Variants in GRM8 observed in about 807,000 individuals in gnomAD.
GRM8 encodes glutamate metabotropic receptor 8.
In GRM8, 47 loss-of-function variants were observed where a neutral mutation model predicts 87.2. The observed-to-expected ratio is 0.54, with a 90% CI of 0.43 to 0.69. The LOEUF (loss-of-function observed/expected upper bound fraction) is 0.69. Among genes scored for constraint, GRM8 ranks in the 30% least tolerant of loss-of-function variants. GRM8 has a pLI of 0.00. For synonymous variants in GRM8, 396 were observed against 404.5 expected, an observed-to-expected ratio of 0.98 and a Z score of 0.25; for missense variants, 1,019 against 1,139.2, an observed-to-expected ratio of 0.89 and a Z score of 1.52.
At chr7:127,171,297 A>G (rs543449187) in intron 2 of GRM8, among the ~76,000 whole-genome samples, 1 of 152,362 alleles carries the variant, frequency 6.6e-6, no homozygotes, top group East Asian at 1.9e-4. Context: ...TACTGTGATC[A>G]TTATTGAAAT....
chr7:126,967,568 C>T (rs1810003788), intron 3 of GRM8, among the ~76,000 whole-genome samples: 1 of 151,568 alleles, frequency 6.6e-6, no homozygotes, highest in Admixed American at 6.6e-5. Context: ...AAAAGTACAG[C>T]ACTCTCAGAT....
chr7:126,993,375 T>C (rs969852182), intron 3 of GRM8, among the ~76,000 whole-genome samples: 2 of 152,170 alleles, frequency 1.3e-5, no homozygotes, highest in African/African-American at 4.8e-5. Flanking sequence ...TTCTGACATA[T>C]GCTACGACAT....
chr7:127,180,996 C>A (rs1235575927), intron 2 of GRM8, among the ~76,000 whole-genome samples: 2 of 151,910 alleles, frequency 1.3e-5, no homozygotes, highest in African/African-American at 4.8e-5. Context: ...CTAGTCAGAG[C>A]AATTAGACAA....
intron 7 of GRM8, among the ~76,000 whole-genome samples, chr7:126,765,281 T>C (rs922450112): frequency 1.3e-5 from 2 of 152,086 alleles, no homozygotes; most frequent in South Asian, 2.1e-4. Context: ...TTTTTTCTTA[T>C]AGGTTTTTAT....
intron 3 of GRM8, among the ~76,000 whole-genome samples, chr7:126,938,106 T>C (rs1464014332): frequency 6.6e-6 from 1 of 152,232 alleles, no homozygotes; most frequent in Non-Finnish European, 1.5e-5. Flanking sequence ...AACTACATTT[T>C]GGCCAATAAA....
At chr7:126,660,177 C>T (rs938687541) in intron 7 of GRM8, among the ~76,000 whole-genome samples, 5 of 152,114 alleles carry the variant, frequency 3.3e-5, no homozygotes, top group African/African-American at 9.7e-5. Context: ...TGTTTAAAAG[C>T]GTGGGGACTG....
At chr7:127,155,315 A>G (rs1475295666) in intron 2 of GRM8, among the ~76,000 whole-genome samples, 1 of 152,166 alleles carries the variant, frequency 6.6e-6, no homozygotes, top group Non-Finnish European at 1.5e-5. Flanking sequence ...TGGTGCTTTT[A>G]TACTCTCTAG....
At chr7:126,692,565 G>C (rs1012716893) in intron 7 of GRM8, among the ~76,000 whole-genome samples, 1 of 152,196 alleles carries the variant, frequency 6.6e-6, no homozygotes, top group Non-Finnish European at 1.5e-5. Context: ...GCCATCCTGG[G>C]AAGATTGAAT....
intron 7 of GRM8, among the ~76,000 whole-genome samples, chr7:126,671,926 G>C (rs756543148): frequency 6.6e-6 from 1 of 151,984 alleles, no homozygotes; most frequent in Admixed American, 6.6e-5. Context: ...GAGTCCATGC[G>C]ACCCCCGCTG....
At chr7:126,788,922 T>C (rs1375184487) in intron 6 of GRM8, among the ~76,000 whole-genome samples, 3 of 152,186 alleles carry the variant, frequency 2.0e-5, no homozygotes, top group African/African-American at 7.2e-5. Context: ...TCAGAGTGTA[T>C]TTGAAATCTT....
At chr7:126,939,352 A>T (rs145287392) in intron 3 of GRM8, among the ~76,000 whole-genome samples, 1 of 152,314 alleles carries the variant, frequency 6.6e-6, no homozygotes, top group Non-Finnish European at 1.5e-5. Context: ...AAGAACACCC[A>T]GTCTTTGAAT....
intron 6 of GRM8, among the ~76,000 whole-genome samples, chr7:126,875,868 G>A (rs1471128203): frequency 2.6e-5 from 4 of 151,966 alleles, no homozygotes; most frequent in Non-Finnish European, 5.9e-5. Flanking sequence ...TTATTTTTGT[G>A]CTCTGGTACA....
At chr7:127,042,682 C>G (rs1181515791) in intron 3 of GRM8, among the ~76,000 whole-genome samples, 1 of 152,162 alleles carries the variant, frequency 6.6e-6, no homozygotes, top group African/African-American at 2.4e-5. Flanking sequence ...CTAGGCAATT[C>G]CATTCAGGAC....
At chr7:126,590,120 TAAA>T (rs61063685) in intron 8 of GRM8, among the ~76,000 whole-genome samples, 2 of 148,604 alleles carry the variant, frequency 1.3e-5, no homozygotes, top group East Asian at 4.0e-4. Context: ...TTTCATGAAA[TAAA>T]AAAAAAAAAT....
At chr7:126,644,314 T>C (rs929387183) in intron 7 of GRM8, among the ~76,000 whole-genome samples, 2 of 152,190 alleles carry the variant, frequency 1.3e-5, no homozygotes, top group Admixed American at 6.5e-5. Flanking sequence ...ATAATTTGGT[T>C]GGGTTTTTGA....
chr7:126,681,557 A>G (rs1217780937), intron 7 of GRM8, among the ~76,000 whole-genome samples: 1 of 152,250 alleles, frequency 6.6e-6, no homozygotes, highest in Non-Finnish European at 1.5e-5. Flanking sequence ...AGAGAAAACA[A>G]AAGCCAGGCT....
intron 7 of GRM8, among the ~76,000 whole-genome samples, chr7:126,628,170 C>G (rs1194801592): frequency 6.6e-6 from 1 of 152,154 alleles, no homozygotes; most frequent in Non-Finnish European, 1.5e-5. Context: ...GCCTCAGCCT[C>G]CTGAGTAGCT....
At chr7:127,051,765 A>AAAAAAAAG (rs1819513085) in intron 3 of GRM8, among the ~76,000 whole-genome samples, 1 of 138,146 alleles carries the variant, frequency 7.2e-6, no homozygotes, top group African/African-American at 2.6e-5. Context: ...AAAAAAAAAA[A>AAAAAAAAG]GCAGGTTATA....
chr7:127,242,058 T>C (rs1358627898), intron 2 of GRM8, among the ~76,000 whole-genome samples: 1 of 152,210 alleles, frequency 6.6e-6, no homozygotes. Context: ...AAGTCTAATT[T>C]ATCCTGCTAA....
Sources: allele counts gnomAD v4.1 joint callset (sites outside exome capture counted in the v4.1 genomes callset), GRCh38; gene constraint gnomAD v4.1.1; transcripts MANE v1.5; gene names NCBI Gene and HGNC (gene_info 2026-07-23, HGNC 2026-07-21).